The following YWHAE variants were observed in gnomAD, a reference collection of about 807,000 sequenced individuals.
YWHAE encodes the protein 14-3-3 protein epsilon.
In YWHAE, 4 loss-of-function variants were observed where a neutral mutation model predicts 30.1. The observed-to-expected ratio is 0.13, with a 90% confidence interval of 0.07 to 0.30. The LOEUF (loss-of-function observed/expected upper bound fraction) is 0.30, where lower values mean the gene tolerates loss of function less well. Ranked by LOEUF, YWHAE falls within the 10% of genes least tolerant of loss-of-function variation. The pLI is 1.00. For missense variants in YWHAE, 121 were observed against 315.9 expected, an observed-to-expected ratio of 0.38 and a Z score of 4.68; for synonymous variants, 118 against 111.8, an observed-to-expected ratio of 1.06 and a Z score of -0.35.
chr17:1,350,701 C>T (rs1337069761), intron 5 of YWHAE, among the ~76,000 whole-genome samples: 1 of 151,934 alleles, frequency 6.6e-6, no homozygotes, highest in African/African-American at 2.4e-5. Context: ...TTCGGCCTCC[C>T]AAACTGCTGG....
At chr17:1,370,043 T>C (rs1445177568) in intron 1 of YWHAE, among the ~76,000 whole-genome samples, 1 of 152,078 alleles carries the variant, frequency 6.6e-6, no homozygotes, top group African/African-American at 2.4e-5. Flanking sequence ...GTCTGCCATG[T>C]TGATGGGCTT....
At chr17:1,359,766 G>C (rs1227461289) in intron 4 of YWHAE, among the ~76,000 whole-genome samples, 1 of 150,830 alleles carries the variant, frequency 6.6e-6, no homozygotes, top group Non-Finnish European at 1.5e-5. Context: ...TTTTCAAATA[G>C]TGGTGATTAC....
chr17:1,348,730 T>C (rs1014076645), intron 5 of YWHAE, among the ~76,000 whole-genome samples: 1 of 152,160 alleles, frequency 6.6e-6, no homozygotes, highest in Admixed American at 6.6e-5. Flanking sequence ...AACCAATTTA[T>C]TAAAAAATGT....
chr17:1,399,762 AC>A, intron 1 of YWHAE: 1 of 57,876 alleles, frequency 1.7e-5, no homozygotes. Flanking sequence ...CCGCCCCGGG[AC>A]TCGCCCTCCC....
At chr17:1,371,400 T>C (rs773066688) in intron 1 of YWHAE, among the ~76,000 whole-genome samples, 5 of 152,076 alleles carry the variant, frequency 3.3e-5, no homozygotes, top group African/African-American at 9.7e-5. Context: ...GCATTTTCAA[T>C]GTGCAGTAAT....
intron 1 of YWHAE, among the ~76,000 whole-genome samples, chr17:1,381,227 A>T (rs1270884063): frequency 6.6e-6 from 1 of 152,034 alleles, no homozygotes; most frequent in Admixed American, 6.6e-5. Flanking sequence ...AAAATACAAA[A>T]ATTAGTCCGG....
chr17:1,349,974 C>T (rs1228684742), intron 5 of YWHAE, among the ~76,000 whole-genome samples: 7 of 124,910 alleles, frequency 5.6e-5, no homozygotes, highest in African/African-American at 1.2e-4. Context: ...TTTTTTTGGA[C>T]GAAGTTTCTC....
chr17:1,362,627 G>T (rs912391283), intron 2 of YWHAE, among the ~76,000 whole-genome samples: 1 of 151,950 alleles, frequency 6.6e-6, no homozygotes, highest in African/African-American at 2.4e-5. Flanking sequence ...CACTGATCAT[G>T]CTGAACACGC....
At chr17:1,357,391 A>G (rs1226067743) in intron 4 of YWHAE, among the ~76,000 whole-genome samples, 12 of 120,884 alleles carry the variant, frequency 9.9e-5, no homozygotes, top group African/African-American at 3.4e-4. Context: ...GGACATAGCG[A>G]GACTCCGTCT....
intron 4 of YWHAE, among the ~76,000 whole-genome samples, chr17:1,360,313 A>G (rs953289776): frequency 1.3e-5 from 2 of 152,216 alleles, no homozygotes; most frequent in Non-Finnish European, 2.9e-5. Flanking sequence ...TATTCCTTAC[A>G]TATTTATCTA....
At chr17:1,359,813 T>C (rs372668134) in intron 4 of YWHAE, among the ~76,000 whole-genome samples, 81 of 5,452 alleles carry the variant, frequency 0.015, no homozygotes, top group African/African-American at 0.13. Flanking sequence ...ACTAAATTGT[T>C]GTGTGTGTGT....
At chr17:1,356,798 A>C (rs1182766033) in intron 4 of YWHAE, among the ~76,000 whole-genome samples, 1 of 137,006 alleles carries the variant, frequency 7.3e-6, no homozygotes, top group Non-Finnish European at 1.6e-5. Context: ...GTCTCTACTA[A>C]AAATGCAAAA....
At chr17:1,385,384 A>C (rs1181424339) in intron 1 of YWHAE, among the ~76,000 whole-genome samples, 1 of 152,186 alleles carries the variant, frequency 6.6e-6, no homozygotes, top group Non-Finnish European at 1.5e-5. Flanking sequence ...TACATGCCTC[A>C]AAAGTCATCT....
intron 2 of YWHAE, 23 bp from the exon 3 acceptor site, chr17:1,362,031 T>TA (rs774193392): frequency 8.5e-6 from 12 of 1,415,582 alleles, no homozygotes; most frequent in African/African-American, 4.4e-5. Flanking sequence ...AAATTTTTTT[T>TA]AAATCAGATT....
intron 4 of YWHAE, among the ~76,000 whole-genome samples, chr17:1,355,598 TAA>T (rs1455865255): frequency 1.3e-5 from 2 of 152,014 alleles, no homozygotes; most frequent in African/African-American, 2.4e-5. Context: ...TTTACAGTTT[TAA>T]AAGAAAATCC....
At chr17:1,357,982 T>A (rs1325441809) in intron 4 of YWHAE, among the ~76,000 whole-genome samples, 1 of 149,928 alleles carries the variant, frequency 6.7e-6, no homozygotes, top group African/African-American at 2.5e-5. Context: ...AACAACAAAA[T>A]GCCAACCTAC....
chr17:1,346,179 C>T (rs1041265659), intron 5 of YWHAE, among the ~76,000 whole-genome samples: 10 of 152,264 alleles, frequency 6.6e-5, no homozygotes, highest in Admixed American at 6.5e-4. Flanking sequence ...GGTGATTACC[C>T]TAAGGAGTTT....
At chr17:1,367,519 A>G (rs1398356539) in intron 1 of YWHAE, among the ~76,000 whole-genome samples, 2 of 152,180 alleles carry the variant, frequency 1.3e-5, no homozygotes, top group Non-Finnish European at 2.9e-5. Context: ...GCTTGACCCC[A>G]GGAATTCAGG....
At chr17:1,347,410 G>C (rs968729579) in intron 5 of YWHAE, among the ~76,000 whole-genome samples, 3 of 151,556 alleles carry the variant, frequency 2.0e-5, no homozygotes, top group African/African-American at 7.3e-5. Flanking sequence ...TGAGGTGGGG[G>C]AGTTCTATTT....
Sources: gnomAD v4.1 joint callset for allele counts (sites outside exome capture counted in the v4.1 genomes callset) on GRCh38, gnomAD v4.1.1 for gene constraint, MANE v1.5 for transcripts, NCBI Gene and HGNC (gene_info 2026-07-23, HGNC 2026-07-21) for gene names.